Variants in FOXO3 observed in about 807,000 individuals in gnomAD.
The protein encoded by FOXO3 is forkhead box O3, also known as forkhead box protein O3.
Under a neutral mutation model 41.9 loss-of-function variants are expected in FOXO3, and 4 were observed. That is an observed-to-expected ratio of 0.10 (90% CI 0.05 to 0.22). The LOEUF (loss-of-function observed/expected upper bound fraction) is 0.22, where lower values mean the gene tolerates loss of function less well. Among genes scored for constraint, FOXO3 ranks in the 10% least tolerant of loss-of-function variants. FOXO3 has a pLI of 1.00. For synonymous variants in FOXO3, 318 were observed against 389.3 expected (o/e 0.82, Z 2.16); for missense variants, 534 against 906.8 (o/e 0.59, Z 5.28).
At chr6:108,579,980 A>G (rs1032828014) in intron 1 of FOXO3, among the ~76,000 whole-genome samples, 4 of 152,066 alleles carry the variant, frequency 2.6e-5, no homozygotes, top group Non-Finnish European at 5.9e-5. Flanking sequence ...TGAAGTTTGA[A>G]AACTCTTAAT....
At chr6:108,598,539 G>GA (rs950321037) in intron 1 of FOXO3, among the ~76,000 whole-genome samples, 2 of 151,580 alleles carry the variant, frequency 1.3e-5, no homozygotes, top group Non-Finnish European at 2.9e-5. Context: ...GAAATGGAGG[G>GA]AAAAAAAATC....
intron 1 of FOXO3, among the ~76,000 whole-genome samples, chr6:108,581,961 T>G (rs1276139903): frequency 1.3e-5 from 2 of 152,028 alleles, no homozygotes; most frequent in South Asian, 2.1e-4. Context: ...AGTGTCTCCA[T>G]TTTTTTTCTG....
intron 1 of FOXO3, among the ~76,000 whole-genome samples, chr6:108,563,865 T>TA (rs1372364492): frequency 6.6e-6 from 1 of 152,130 alleles, no homozygotes; most frequent in African/African-American, 2.4e-5. Context: ...TTGGGCTAGA[T>TA]ACATTTTCAT....
intron 1 of FOXO3, among the ~76,000 whole-genome samples, chr6:108,584,873 A>C (rs949747301): frequency 3.9e-5 from 6 of 152,158 alleles, no homozygotes; most frequent in African/African-American, 1.4e-4. Context: ...GGTAAAAGAC[A>C]AGAATCTTAC....
intron 1 of FOXO3, among the ~76,000 whole-genome samples, chr6:108,581,984 A>T (rs1322513708): frequency 6.6e-6 from 1 of 152,200 alleles, no homozygotes; most frequent in Non-Finnish European, 1.5e-5. Flanking sequence ...ATAAATGGTA[A>T]AGATAAAGCT....
At chr6:108,606,549 CTATGA>C (rs1004977550) in intron 1 of FOXO3, among the ~76,000 whole-genome samples, 4 of 152,202 alleles carry the variant, frequency 2.6e-5, no homozygotes, top group African/African-American at 9.7e-5. Flanking sequence ...CCTTGCCAGA[CTATGA>C]TTAAGGCTTA....
Position 108,683,801 on chromosome 6 carries a change from G to A in FOXO3, c.*4009G>A, listed in dbSNP as rs1770960050. The A allele has an allele frequency of 6.6e-6, 1 of 151,902 alleles. No individual in the cohort carries two copies. Among genetic ancestry groups the A allele is most frequent in the South Asian group, 2.1e-4 (1 of 4,784 alleles). The allele number at this position is 151,902 out of a possible 1,614,324, so 9.4% of individuals were successfully genotyped here. On this transcript the variant is annotated 3_prime_UTR_variant, in exon 3 of 3. Coordinates refer to ENST00000406360, the MANE Select transcript of FOXO3 (RefSeq NM_001455.4). ...ATTTGGGTGAACATTGTATGATTAG[G>A]CATAATGTTAAAAAAAAAAATTTTT...
At chr6:108,611,268 G>T (rs1337547237) in intron 1 of FOXO3, among the ~76,000 whole-genome samples, 1 of 152,118 alleles carries the variant, frequency 6.6e-6, no homozygotes, top group Non-Finnish European at 1.5e-5. Context: ...ATTCACCAGG[G>T]GATAGACATT....
intron 1 of FOXO3, among the ~76,000 whole-genome samples, chr6:108,635,528 T>A (rs1778098199): frequency 6.6e-6 from 1 of 152,158 alleles, no homozygotes; most frequent in Admixed American, 6.6e-5. Context: ...TAATTTTGTT[T>A]GTTTTAAATG....
intron 1 of FOXO3, 27 bp from the exon 2 acceptor site, chr6:108,663,428 A>G (rs1778930275): frequency 1.3e-6 from 2 of 1,577,828 alleles, no homozygotes; most frequent in South Asian, 1.2e-5. Flanking sequence ...TCTGGTTCAT[A>G]CTCTGTATTT....
At position 108,561,712 on chromosome 6, in the gene FOXO3, C is replaced by T. The variant is rs150320900; in HGVS notation, c.504C>T (p.Arg168=). The T allele has an allele frequency of 7.4e-3, 11,861 of 1,612,114 alleles. 53 individuals carry two copies. The highest frequency in any genetic ancestry group is 9.8e-3 in the Middle Eastern group (59 of 6,050). ...TGTCCTACGCGGACCTGATCACCCG[C>T]GCCATCGAGAGCTCCCCGGACAAAC... is the stretch of plus-strand genomic sequence containing the variant. ...GNLSYADLIT[R]AIESSPDKRL... is the part of the protein sequence containing the mutation. Residue 168 remains arginine (R), a synonymous_variant, in exon 1 of 3, where the codon CGC becomes CGT. Coordinates refer to ENST00000406360, the MANE Select transcript of FOXO3 (RefSeq NM_001455.4).
intron 1 of FOXO3, among the ~76,000 whole-genome samples, chr6:108,655,016 G>GA (rs1468193855): frequency 6.6e-6 from 1 of 152,172 alleles, no homozygotes; most frequent in Non-Finnish European, 1.5e-5. Context: ...TAGCAGAAGG[G>GA]AGTAGGCAGC....
chr6:108,625,538 A>ATT (rs1777789920), intron 1 of FOXO3, among the ~76,000 whole-genome samples: 1 of 152,214 alleles, frequency 6.6e-6, no homozygotes, highest in African/African-American at 2.4e-5. Context: ...TTAACTTTTA[A>ATT]AAGATTTGAT....
intron 1 of FOXO3, among the ~76,000 whole-genome samples, chr6:108,635,853 G>A (rs1778107269): frequency 6.6e-6 from 1 of 152,232 alleles, no homozygotes; most frequent in Non-Finnish European, 1.5e-5. Flanking sequence ...GAGGGATTGG[G>A]CTGGGTTATG....
intron 1 of FOXO3, among the ~76,000 whole-genome samples, chr6:108,637,911 G>A (rs987875016): frequency 3.3e-5 from 5 of 152,148 alleles, no homozygotes; most frequent in Middle Eastern, 6.8e-3. Flanking sequence ...ACAGTTTAAT[G>A]TGTTAAAAAT....
intron 1 of FOXO3, among the ~76,000 whole-genome samples, chr6:108,569,824 CAAAT>C (rs956482549): frequency 4.6e-5 from 7 of 151,976 alleles, no homozygotes; most frequent in Admixed American, 3.9e-4. Context: ...CCCAAACAAA[CAAAT>C]AAACAAACAG....
At chr6:108,633,529 T>C (rs533916312) in intron 1 of FOXO3, among the ~76,000 whole-genome samples, 1 of 152,344 alleles carries the variant, frequency 6.6e-6, no homozygotes, top group African/African-American at 2.4e-5. Flanking sequence ...AAACAGTTTC[T>C]ATTATAAATG....
intron 1 of FOXO3, among the ~76,000 whole-genome samples, chr6:108,580,435 C>T (rs1776383437): frequency 1.3e-5 from 2 of 152,274 alleles, no homozygotes; most frequent in Non-Finnish European, 2.9e-5. Flanking sequence ...ATCCACCCAC[C>T]TTGGCCTCCC....
chr6:108,648,641 A>G (rs934871351), intron 1 of FOXO3, among the ~76,000 whole-genome samples: 1 of 152,184 alleles, frequency 6.6e-6, no homozygotes, highest in Non-Finnish European at 1.5e-5. Flanking sequence ...TCATTGCCCA[A>G]TTTTATCTTT....
Sources: allele counts gnomAD v4.1 joint callset (sites outside exome capture counted in the v4.1 genomes callset), GRCh38; gene constraint gnomAD v4.1.1; transcripts MANE v1.5; gene names NCBI Gene and HGNC (gene_info 2026-07-23, HGNC 2026-07-21).